SNTB1: variants seen among roughly 807,000 people sequenced by gnomAD.
SNTB1 encodes beta-1-syntrophin.
In SNTB1, 36 loss-of-function variants were observed where a neutral mutation model predicts 48.9. The observed-to-expected ratio is 0.74, with a 90% CI of 0.56 to 0.97. The LOEUF is 0.97. Among genes scored for constraint, SNTB1 ranks in the 50% least tolerant of loss-of-function variants. SNTB1 has a pLI of 0.00. For synonymous variants in SNTB1, 299 were observed against 294.6 expected (o/e 1.01, Z -0.15); for missense variants, 786 against 703.4 (o/e 1.12, Z -1.33).
intron 2 of SNTB1, among the ~76,000 whole-genome samples, chr8:120,644,164 T>TC (rs1293258345): frequency 2.8e-4 from 43 of 151,464 alleles, no homozygotes; most frequent in Non-Finnish European, 4.7e-4. Flanking sequence ...AATCATTCTT[T>TC]TTTTTTTTTA....
chr8:120,538,609 C>T lies in SNTB1; in HGVS notation c.*268G>A. The T allele has an allele frequency of 1.9e-6, 1 of 531,624 alleles. No homozygotes were observed. The highest frequency in any genetic ancestry group is 1.5e-5 in the South Asian group (1 of 65,124). The allele number at this position is 531,624 out of a possible 1,614,324, so 32.9% of individuals were successfully genotyped here. ...TGGTTGTCATTATTTCAAAGCTATG[C>T]TGTGTATTTCCCGTCACCTCACCTC... On this transcript the variant is annotated 3_prime_UTR_variant, in exon 7 of 7. Coordinates refer to ENST00000517992, the MANE Select transcript of SNTB1 (RefSeq NM_021021.4).
intron 1 of SNTB1, among the ~76,000 whole-genome samples, chr8:120,742,218 C>A (rs956979803): frequency 1.3e-5 from 2 of 152,066 alleles, no homozygotes; most frequent in African/African-American, 4.8e-5. Context: ...ATCTTATGGC[C>A]CCTGGCTTAA....
intron 1 of SNTB1, among the ~76,000 whole-genome samples, chr8:120,731,139 A>T (rs1192435190): frequency 6.6e-6 from 1 of 152,186 alleles, no homozygotes; most frequent in East Asian, 1.9e-4. Flanking sequence ...ATAATAATAA[A>T]AAATTAAACA....
chr8:120,652,312 A>T (rs1237174912), intron 2 of SNTB1, among the ~76,000 whole-genome samples: 1 of 152,166 alleles, frequency 6.6e-6, no homozygotes, highest in Non-Finnish European at 1.5e-5. Flanking sequence ...AACAATTTGG[A>T]CCAAAGAGAT....
chr8:120,576,098 A>C (rs976456079), intron 3 of SNTB1, among the ~76,000 whole-genome samples: 2 of 152,238 alleles, frequency 1.3e-5, no homozygotes, highest in African/African-American at 4.8e-5. Context: ...ACTATGTTCC[A>C]GTAGCATCAG....
intron 2 of SNTB1, among the ~76,000 whole-genome samples, chr8:120,653,031 T>C (rs1290039943): frequency 4.6e-5 from 7 of 152,142 alleles, no homozygotes; most frequent in African/African-American, 9.7e-5. Context: ...AGAACACTGA[T>C]GAGGTGTCTG....
intron 4 of SNTB1, among the ~76,000 whole-genome samples, chr8:120,571,731 T>C (rs1256275667): frequency 6.6e-6 from 1 of 152,002 alleles, no homozygotes; most frequent in African/African-American, 2.4e-5. Context: ...ACTCCTGATT[T>C]CAGGTGATCT....
chr8:120,664,512 T>C (rs1030343003), intron 2 of SNTB1, among the ~76,000 whole-genome samples: 1 of 152,254 alleles, frequency 6.6e-6, no homozygotes, highest in African/African-American at 2.4e-5. Flanking sequence ...AGAATTTTAA[T>C]AAATAAAATC....
At chr8:120,602,229 G>A (rs1816431841) in intron 3 of SNTB1, among the ~76,000 whole-genome samples, 1 of 152,196 alleles carries the variant, frequency 6.6e-6, no homozygotes, top group South Asian at 2.1e-4. Flanking sequence ...ACACACAGGT[G>A]AGTGTGCAAA....
intron 2 of SNTB1, among the ~76,000 whole-genome samples, chr8:120,655,232 T>C (rs759135020): frequency 6.6e-6 from 1 of 152,186 alleles, no homozygotes; most frequent in Non-Finnish European, 1.5e-5. Flanking sequence ...ATGAAATGCT[T>C]CAGTAAAAAG....
intron 3 of SNTB1, among the ~76,000 whole-genome samples, chr8:120,577,438 T>C (rs929925409): frequency 3.9e-5 from 6 of 152,246 alleles, no homozygotes; most frequent in Non-Finnish European, 7.3e-5. Context: ...GAGAAGGCAA[T>C]GTACCAGACT....
intron 2 of SNTB1, among the ~76,000 whole-genome samples, chr8:120,659,919 C>T (rs1817563116): frequency 6.6e-6 from 1 of 152,106 alleles, no homozygotes; most frequent in Non-Finnish European, 1.5e-5. Context: ...TCTTGGGTGA[C>T]CAGTTACAGT....
chr8:120,811,643 C>T lies in SNTB1; in HGVS notation c.201G>A (p.Ser67=). 6.3e-7 allele frequency: 1 copy of T among 1,594,654 alleles called. No individual in the cohort carries two copies. Among genetic ancestry groups the T allele is most frequent in the African/African-American group, 1.4e-5 (1 of 72,452 alleles). ...GCCCAGCCCCGGCGCCCCTGCAGAA[C>T]GAGCCATTGGTGGCGGTCCCGATGC... ...YNGIGTATNG[S]FCRGAGAGHP... Residue 67 remains serine (S), a synonymous_variant, in exon 1 of 7, where the codon TCG becomes TCA. Coordinates refer to ENST00000517992, the MANE Select transcript of SNTB1 (RefSeq NM_021021.4).
chr8:120,767,199 C>T (rs564505799), intron 1 of SNTB1, among the ~76,000 whole-genome samples: 88 of 152,090 alleles, frequency 5.8e-4, no homozygotes, highest in African/African-American at 2.1e-3. Flanking sequence ...TTTTTGTCCT[C>T]TGTATTCTAG....
intron 1 of SNTB1, among the ~76,000 whole-genome samples, chr8:120,745,173 A>G (rs1214190557): frequency 6.6e-6 from 1 of 152,064 alleles, no homozygotes; most frequent in Non-Finnish European, 1.5e-5. Context: ...CAGAGCCACA[A>G]GTGTTAGCAG....
At chr8:120,557,390 A>AATC (rs1431646320) in intron 4 of SNTB1, among the ~76,000 whole-genome samples, 1 of 152,182 alleles carries the variant, frequency 6.6e-6, no homozygotes, top group Non-Finnish European at 1.5e-5. Flanking sequence ...AGCCAAGATG[A>AATC]AGTAAGTGCC....
At chr8:120,791,919 A>G (rs1820042518) in intron 1 of SNTB1, among the ~76,000 whole-genome samples, 1 of 152,018 alleles carries the variant, frequency 6.6e-6, no homozygotes, top group Non-Finnish European at 1.5e-5. Flanking sequence ...TAGATCTACC[A>G]TTCGATCCAG....
chr8:120,745,526 A>G (rs1283910745), intron 1 of SNTB1, among the ~76,000 whole-genome samples: 1 of 151,974 alleles, frequency 6.6e-6, no homozygotes, highest in Non-Finnish European at 1.5e-5. Context: ...CAGACACTCC[A>G]TTCACCATGA....
chr8:120,544,368 T>C (rs1357171801), intron 5 of SNTB1, among the ~76,000 whole-genome samples: 1 of 152,212 alleles, frequency 6.6e-6, no homozygotes, highest in Non-Finnish European at 1.5e-5. Flanking sequence ...GTTCTCAACC[T>C]ATACAGAATA....
Sources: gnomAD v4.1 joint callset for allele counts (sites outside exome capture counted in the v4.1 genomes callset) on GRCh38, gnomAD v4.1.1 for gene constraint, MANE v1.5 for transcripts, NCBI Gene and HGNC (gene_info 2026-07-23, HGNC 2026-07-21) for gene names.